Variants in NCKAP1 observed in about 807,000 individuals in gnomAD.
NCKAP1 encodes the protein nck-associated protein 1.
NCKAP1 carries 21 observed loss-of-function variants against 151.2 expected under a neutral mutation model. That is an observed-to-expected ratio of 0.14 (90% CI 0.10 to 0.20). The LOEUF is 0.20. NCKAP1 is among the 10% of genes least tolerant of loss of function. NCKAP1 has a pLI of 1.00. For missense variants in NCKAP1, 933 were observed against 1,352.1 expected (o/e 0.69, Z 4.86); for synonymous variants, 484 against 451.8 (o/e 1.07, Z -0.90).
At chr2:183,027,008 A>C (rs1698910635) in intron 1 of NCKAP1, among the ~76,000 whole-genome samples, 1 of 152,178 alleles carries the variant, frequency 6.6e-6, no homozygotes, top group Non-Finnish European at 1.5e-5. Context: ...CCCCTCTCTC[A>C]ATCAAATATT....
intron 10 of NCKAP1, among the ~76,000 whole-genome samples, chr2:182,984,451 T>TGTGTGTGTGTG (rs1188952902): frequency 9.0e-5 from 13 of 144,188 alleles, no homozygotes; most frequent in African/African-American, 1.0e-4. Flanking sequence ...TGTGTGTGTG[T>TGTGTGTGTGTG]TGCCTATGCC....
At chr2:182,986,351 G>T in intron 9 of NCKAP1, 124 bp from the exon 10 acceptor site, 2 of 717,688 alleles carry the variant, frequency 2.8e-6, no homozygotes, top group African/African-American at 1.8e-5. Flanking sequence ...CATCAAACTG[G>T]AAGTGCATGG....
chr2:182,995,785 A>T lies in NCKAP1; in HGVS notation c.657T>A (p.Leu219=). ...GGGCATTTCTCCACTGGTCAGCTGA[A>T]AGATTCCTTCGAGGATATACCATTT... ...SLQMVYPRRN[L]SADQWRNAQL... The change falls in exon 7 of 31, where the codon CTT becomes CTA. Residue 219 remains leucine, a synonymous_variant. Coordinates refer to ENST00000361354, the MANE Select transcript of NCKAP1 (RefSeq NM_013436.5). 1 of 1,613,114 alleles carries T rather than the reference A, an allele frequency of 6.2e-7. No individual in the cohort carries two copies.
rs1221980572 is a variant in NCKAP1 at position 182,922,742 on chromosome 2, G to C, written c.*2960C>G. On this transcript the variant is annotated 3_prime_UTR_variant, in exon 31 of 31. Coordinates refer to ENST00000361354, the MANE Select transcript of NCKAP1 (RefSeq NM_013436.5). The stretch of plus-strand genomic sequence containing the variant: ...AGAAGTTTGCTCATGGCTGGGCGTG[G>C]TGGCTCATGCCTGTAATCCCAGCAC... 1 of 152,514 alleles carries C rather than the reference G, an allele frequency of 6.6e-6. No individual in the cohort carries two copies. Among genetic ancestry groups the C allele is most frequent in the Non-Finnish European group, 1.5e-5 (1 of 68,322 alleles). The allele number at this position is 152,514 out of a possible 1,614,324, so 9.4% of individuals were successfully genotyped here. A position where few individuals can be genotyped will look rare whatever the true frequency, so the allele number is the denominator to read the frequency against.
chr2:183,024,639 C>T (rs966157643), intron 1 of NCKAP1, among the ~76,000 whole-genome samples: 7 of 152,182 alleles, frequency 4.6e-5, no homozygotes, highest in African/African-American at 1.4e-4. Context: ...AAAGAACTTT[C>T]TACCTGAACT....
chr2:182,942,058 T>C lies in NCKAP1; in HGVS notation c.2695+12A>G, dbSNP rs781540034. 5 of 1,593,136 alleles carry C rather than the reference T, an allele frequency of 3.1e-6. No homozygotes were observed. The African/African-American group carries it at 5.4e-5, about 17-fold the overall frequency. On this transcript the variant is annotated intron_variant, in intron 24 of 30. Coordinates refer to ENST00000361354, the MANE Select transcript of NCKAP1 (RefSeq NM_013436.5). ...CTTCTTATGTTTATAAAAAGTATCA[T>C]GAGTTACCCACATGATAATCTTTTA... is the stretch of plus-strand genomic sequence containing the variant.
chr2:182,995,017 T>G, intron 7 of NCKAP1, 130 bp from the exon 8 acceptor site: 1 of 702,144 alleles, frequency 1.4e-6, no homozygotes. Context: ...CACAACAAAT[T>G]TGAAGAGCTG....
chr2:182,985,067 G>T (rs1698024158), intron 10 of NCKAP1, among the ~76,000 whole-genome samples: 1 of 152,150 alleles, frequency 6.6e-6, no homozygotes, highest in African/African-American at 2.4e-5. Flanking sequence ...TACGTTATCT[G>T]CACTAGAAAT....
Position 182,911,462 on chromosome 2 carries a change from C to T in NCKAP1, c.*14240G>A, listed in dbSNP as rs1696393518. The T allele has an allele frequency of 6.6e-6, 1 of 152,078 alleles. No individual in the cohort carries two copies. The allele number at this position is 152,078 out of a possible 1,614,324, so 9.4% of individuals were successfully genotyped here. A position where few individuals can be genotyped will look rare whatever the true frequency, so the allele number is the denominator to read the frequency against. ...GGCCATCAGTTCATGACTTTATTAA[C>T]TTATATAGTTAATACATGTTTTATA... On this transcript the variant is annotated 3_prime_UTR_variant, in exon 31 of 31. Coordinates refer to ENST00000361354, the MANE Select transcript of NCKAP1 (RefSeq NM_013436.5).
At chr2:182,993,264 G>A (rs765198969) in intron 8 of NCKAP1, among the ~76,000 whole-genome samples, 45 of 152,148 alleles carry the variant, frequency 3.0e-4, no homozygotes, top group Non-Finnish European at 5.6e-4. Flanking sequence ...TACTCATTAT[G>A]CAGTAAGTTT....
At chr2:182,941,273 T>G (rs1181343992) in intron 24 of NCKAP1, among the ~76,000 whole-genome samples, 1 of 152,146 alleles carries the variant, frequency 6.6e-6, no homozygotes, top group Non-Finnish European at 1.5e-5. Flanking sequence ...AAAACAGTTA[T>G]CTGCTTGAAC....
At chr2:183,001,047 T>C (rs1028200841) in intron 6 of NCKAP1, among the ~76,000 whole-genome samples, 1 of 152,192 alleles carries the variant, frequency 6.6e-6, no homozygotes, top group African/African-American at 2.4e-5. Context: ...GAGCTGAGAT[T>C]GCACCACTGC....
At chr2:183,001,064 G>T (rs1172838371) in intron 6 of NCKAP1, among the ~76,000 whole-genome samples, 3 of 152,232 alleles carry the variant, frequency 2.0e-5, no homozygotes, top group Admixed American at 6.5e-5. Context: ...CTGCATTCCG[G>T]CTGGGGCGAC....
intron 3 of NCKAP1, 66 bp downstream of exon 3, chr2:183,003,167 T>A (rs1191606096): frequency 1.6e-6 from 2 of 1,241,398 alleles, no homozygotes; most frequent in Non-Finnish European, 2.3e-6. Flanking sequence ...ACACAGCAAT[T>A]CACACAATTA....
intron 2 of NCKAP1, among the ~76,000 whole-genome samples, chr2:183,016,709 C>T (rs373287401): frequency 1.2e-4 from 19 of 152,194 alleles, no homozygotes; most frequent in African/African-American, 1.9e-4. Flanking sequence ...AAGATGAGTG[C>T]GTGGTCCAGG....
At position 182,935,369 on chromosome 2, in the gene NCKAP1, T is replaced by C. The variant is rs1696852836; in HGVS notation, c.2702A>G (p.Asp901Gly). 2 of 1,552,070 alleles carry C rather than the reference T, an allele frequency of 1.3e-6. No individual in the cohort carries two copies. The highest frequency in any genetic ancestry group is 1.7e-6 in the Non-Finnish European group (2 of 1,154,564). ...TATTGTCATCCTCTTCAAGACACTG[T>C]CAACAGCTAAATTCAAAGAAACAGA... is the stretch of plus-strand genomic sequence containing the variant. ...AALFKRLSSV[D>G]SVLKRMTIIG... is the part of the protein sequence containing the mutation. The change falls in exon 25 of 31, where the codon GAC becomes GGC. Residue 901 changes from aspartate (D) to glycine (G), a missense_variant. Physicochemically the swap from Asp to Gly is moderately conservative, Grantham distance 94. Transcript: ENST00000361354.
chr2:182,987,085 T>C (rs1268055248), intron 9 of NCKAP1, among the ~76,000 whole-genome samples: 1 of 151,850 alleles, frequency 6.6e-6, no homozygotes, highest in Non-Finnish European at 1.5e-5. Flanking sequence ...CTACTAAAAA[T>C]ACAAAAATTA....
intron 23 of NCKAP1, among the ~76,000 whole-genome samples, chr2:182,947,763 T>C (rs1697136756): frequency 6.6e-6 from 1 of 152,162 alleles, no homozygotes; most frequent in Admixed American, 6.5e-5. Flanking sequence ...AAAATTAGAA[T>C]CATCACTGAC....
At chr2:182,945,864 T>G (rs1212548470) in intron 23 of NCKAP1, among the ~76,000 whole-genome samples, 1 of 152,182 alleles carries the variant, frequency 6.6e-6, no homozygotes, top group East Asian at 1.9e-4. Context: ...GTATGTTCAC[T>G]GAAGCACTAT....
Sources: allele counts gnomAD v4.1 joint callset (sites outside exome capture counted in the v4.1 genomes callset), GRCh38; gene constraint gnomAD v4.1.1; transcripts MANE v1.5; gene names NCBI Gene and HGNC (gene_info 2026-07-23, HGNC 2026-07-21).